CREBBP: variants seen among roughly 807,000 people sequenced by gnomAD.
The protein encoded by CREBBP is CREB binding lysine acetyltransferase.
In CREBBP, 19 loss-of-function variants were observed where a neutral mutation model predicts 265.0. The ratio of observed to expected loss-of-function variants is 0.07; its 90% CI spans 0.05 to 0.11. The LOEUF (loss-of-function observed/expected upper bound fraction) is 0.11. Ranked by LOEUF, CREBBP falls within the 10% of genes least tolerant of loss-of-function variation. The pLI, the probability that CREBBP is intolerant of heterozygous loss-of-function variation, is 1.00. For synonymous variants in CREBBP, 1,457 were observed against 1,223.7 expected, an observed-to-expected ratio of 1.19 and a Z score of -3.98; for missense variants, 2,525 against 3,219.0, an observed-to-expected ratio of 0.78 and a Z score of 5.22.
chr16:3,725,209 C>T lies in CREBBP; in HGVS notation c.*2509G>A, dbSNP rs1485951143. The T allele has an allele frequency of 1.7e-5, 4 of 233,408 alleles. No homozygotes were observed. The highest frequency in any genetic ancestry group is 1.8e-4 in the South Asian group (1 of 5,528). 14.5% of individuals were successfully genotyped at this position (233,408 alleles called of 1,614,324 possible). A position where few individuals can be genotyped will look rare whatever the true frequency, so the allele number is the denominator to read the frequency against. On this transcript the variant is annotated 3_prime_UTR_variant, in exon 31 of 31. Transcript: ENST00000262367. Reference sequence around the variant, plus strand: ...TTTCCAGGTTTCTTACAGAAATTTCCTTACGACAAACTTAGGGTTAGCATC... The same window carrying T: ...TTTCCAGGTTTCTTACAGAAATTTCTTTACGACAAACTTAGGGTTAGCATC...
intron 9 of CREBBP, 76 bp downstream of exon 9, chr16:3,778,624 G>C (rs1044434982): frequency 3.3e-6 from 4 of 1,223,970 alleles, no homozygotes; most frequent in Non-Finnish European, 1.2e-6. Flanking sequence ...ACTATTTCCA[G>C]ATAACAAAGC....
At chr16:3,765,952 A>T (rs2052842033) in intron 16 of CREBBP, among the ~76,000 whole-genome samples, 1 of 152,144 alleles carries the variant, frequency 6.6e-6, no homozygotes. Context: ...TCAGCCTCCC[A>T]AAATGCTGAG....
chr16:3,810,499 C>G (rs372784913), intron 3 of CREBBP, 104 bp downstream of exon 3: 9 of 1,368,832 alleles, frequency 6.6e-6, no homozygotes, highest in South Asian at 4.7e-5. Flanking sequence ...CTATCACCTA[C>G]TGACACACTT....
At position 3,726,911 on chromosome 16, in the gene CREBBP, C is replaced by T. The variant is rs373416613; in HGVS notation, c.*807G>A. 4.8e-4 allele frequency: 112 copies of T among 233,520 alleles called. No homozygotes were observed. The highest frequency in any genetic ancestry group is 1.6e-3 in the Admixed American group (29 of 17,786). The allele number at this position is 233,520 out of a possible 1,614,324, so 14.5% of individuals were successfully genotyped here. On this transcript the variant is annotated 3_prime_UTR_variant, in exon 31 of 31. Transcript: ENST00000262367. The stretch of plus-strand genomic sequence containing the variant: ...ACAGTGATTGAATCTTCTCGAGTTT[C>T]GTATTTATAGGAATTAGAGCGCTTG...
At chr16:3,844,879 G>A (rs1360850274) in intron 2 of CREBBP, among the ~76,000 whole-genome samples, 2 of 151,976 alleles carry the variant, frequency 1.3e-5, no homozygotes, top group Non-Finnish European at 2.9e-5. Flanking sequence ...AATAAACTTA[G>A]TAAGAAAGAT....
At chr16:3,748,326 C>G (rs139343238) in intron 21 of CREBBP, among the ~76,000 whole-genome samples, 83 of 151,398 alleles carry the variant, frequency 5.5e-4, no homozygotes, top group African/African-American at 1.8e-3. Flanking sequence ...AATAATGAAA[C>G]TATAAAGCCA....
intron 3 of CREBBP, among the ~76,000 whole-genome samples, chr16:3,794,219 C>T (rs2053561415): frequency 6.6e-6 from 1 of 151,436 alleles, no homozygotes; most frequent in African/African-American, 2.4e-5. Flanking sequence ...GTAGTCCCAC[C>T]TACTCGGGAG....
At position 3,763,168 on chromosome 16, in the gene CREBBP, A is replaced by AT. The variant is rs111950815; in HGVS notation, c.3251-4197dup. Among the ~76,000 whole-genome samples, 1,301 of 141,330 alleles carry AT rather than the reference A, an allele frequency of 9.2e-3. 5 individuals are homozygous for AT. Among genetic ancestry groups the AT allele is most frequent in the East Asian group, 0.013 (63 of 4,918 alleles). 92.7% of individuals were successfully genotyped at this position (141,330 alleles called of 152,430 possible). ...AACTATTTCACCAAAACTGAAACCA[A>AT]TTTTTTTTTTTTTTTTGAGACGAGG... On this transcript the variant is annotated intron_variant, in intron 16 of 30. Transcript: ENST00000262367.
At chr16:3,820,040 A>G (rs2054112137) in intron 2 of CREBBP, among the ~76,000 whole-genome samples, 1 of 152,238 alleles carries the variant, frequency 6.6e-6, no homozygotes, top group Non-Finnish European at 1.5e-5. Flanking sequence ...AAGGTGTAAA[A>G]AAACAACACA....
chr16:3,773,110 AACTTAAAACAAG>A (rs1157996452), intron 13 of CREBBP, among the ~76,000 whole-genome samples: 1 of 152,036 alleles, frequency 6.6e-6, no homozygotes. Context: ...AACAAAAAAA[AACTTAAAACAAG>A]AATTTTATCT....
chr16:3,838,457 A>G (rs1180753567), intron 2 of CREBBP, among the ~76,000 whole-genome samples: 1 of 152,320 alleles, frequency 6.6e-6, no homozygotes, highest in Non-Finnish European at 1.5e-5. Flanking sequence ...CCTGGGAGAC[A>G]TGTCAAATGA....
At chr16:3,856,985 TGA>T (rs1390365409) in intron 1 of CREBBP, among the ~76,000 whole-genome samples, 1 of 152,164 alleles carries the variant, frequency 6.6e-6, no homozygotes, top group Non-Finnish European at 1.5e-5. Context: ...AGCTGGAAGC[TGA>T]GCACAGGAGT....
At chr16:3,873,863 A>T (rs1188556734) in intron 1 of CREBBP, among the ~76,000 whole-genome samples, 1 of 152,174 alleles carries the variant, frequency 6.6e-6, no homozygotes, top group African/African-American at 2.4e-5. Flanking sequence ...AACCTTAACA[A>T]GAAAATGATA....
chr16:3,814,890 T>C (rs1472127283), intron 2 of CREBBP, among the ~76,000 whole-genome samples: 1 of 152,194 alleles, frequency 6.6e-6, no homozygotes, highest in African/African-American at 2.4e-5. Flanking sequence ...CCCCAGCCTC[T>C]CCTTATCAGA....
chr16:3,743,188 C>A (rs928145487), intron 23 of CREBBP: 1 of 152,226 alleles, frequency 6.6e-6, no homozygotes, highest in Admixed American at 6.5e-5. Context: ...GTTACTGGCA[C>A]TGAGTGGGCA....
chr16:3,863,053 A>C (rs1366811594), intron 1 of CREBBP, among the ~76,000 whole-genome samples: 1 of 152,230 alleles, frequency 6.6e-6, no homozygotes, highest in Admixed American at 6.5e-5. Context: ...AGGTTAAACT[A>C]ACTGCAATAA....
intron 24 of CREBBP, among the ~76,000 whole-genome samples, chr16:3,739,941 C>T (rs1464416517): frequency 6.6e-6 from 1 of 152,214 alleles, no homozygotes; most frequent in Non-Finnish European, 1.5e-5. Flanking sequence ...AACTGCACCT[C>T]TGTGAATGAA....
rs781584671 is a variant in CREBBP at position 3,758,952 on chromosome 16, G to C, written c.3271C>G (p.Arg1091Gly). The change falls in exon 17 of 31, where the codon CGC becomes GGC. Residue 1091 changes from arginine to glycine, a missense_variant. Transcript: ENST00000262367. ...RKKIFKPEEL[R>G]QALMPTLEAL... ...TCTAGGGTTGGCATGAGGGCCTGGCGTAACTCCTCTGGTTTAAAGACTGCA... is the reference window on the plus strand; with the variant it reads ...TCTAGGGTTGGCATGAGGGCCTGGCCTAACTCCTCTGGTTTAAAGACTGCA... The C allele has an allele frequency of 2.5e-6, 4 of 1,612,864 alleles. No homozygotes were observed. Among genetic ancestry groups the C allele is most frequent in the Admixed American group, 3.3e-5 (2 of 60,012 alleles).
chr16:3,807,800 T>C (rs1022097270), intron 3 of CREBBP, among the ~76,000 whole-genome samples: 2 of 152,212 alleles, frequency 1.3e-5, no homozygotes, highest in African/African-American at 4.8e-5. Flanking sequence ...CCATGTGTGC[T>C]GGTACCCCAC....
Sources: gnomAD v4.1 joint callset for allele counts (sites outside exome capture counted in the v4.1 genomes callset) on GRCh38, gnomAD v4.1.1 for gene constraint, MANE v1.5 for transcripts, NCBI Gene and HGNC (gene_info 2026-07-23, HGNC 2026-07-21) for gene names.